The following PCDHGB4 variants were observed in gnomAD, a reference collection of about 807,000 sequenced individuals.
PCDHGB4 encodes protocadherin gamma subfamily B, 4.
Under a neutral mutation model 60.5 loss-of-function variants are expected in PCDHGB4, and 38 were observed. That is an observed-to-expected ratio of 0.63 (90% CI 0.48 to 0.82). The LOEUF (loss-of-function observed/expected upper bound fraction) is 0.82. Among genes scored for constraint, PCDHGB4 ranks in the 40% least tolerant of loss-of-function variants. PCDHGB4 has a pLI of 0.00. For synonymous variants in PCDHGB4, 456 were observed against 509.7 expected, an observed-to-expected ratio of 0.89 and a Z score of 1.42; for missense variants, 1,109 against 1,209.6, an observed-to-expected ratio of 0.92 and a Z score of 1.23.
In PCDHGB4 at chr5:141,487,605, A is replaced by G. The variant is rs202066746; in HGVS notation, c.2398-7202A>G. Reference sequence around the variant, plus strand: ...AGCTGCCCACCCTCTGATCTTCTCTATGGGCTAGAGGTGAGACCTTTGCAG... The same window carrying G: ...AGCTGCCCACCCTCTGATCTTCTCTGTGGGCTAGAGGTGAGACCTTTGCAG... On this transcript the variant is annotated intron_variant, in intron 1 of 3. Transcript: ENST00000519479. The surrounding 1 kb of genome is among the most constrained non-coding windows in gnomAD (Gnocchi z 5.0). 8.7e-6 allele frequency: 14 copies of G among 1,614,008 alleles called. No individual in the cohort carries two copies. In the South Asian group the frequency reaches 8.8e-5, roughly 10 times the overall value.
At chr5:141,414,048 G>A in intron 1 of PCDHGB4, 1 of 1,610,508 alleles carries the variant, frequency 6.2e-7, no homozygotes, top group Non-Finnish European at 8.5e-7. Flanking sequence ...TACCTGACAC[G>A]CAATTGTTGA....
chr5:141,449,497 G>A (rs903338878), intron 1 of PCDHGB4, among the ~76,000 whole-genome samples: 4 of 149,856 alleles, frequency 2.7e-5, no homozygotes, highest in African/African-American at 9.9e-5. Flanking sequence ...GGTGAGGCAT[G>A]AGAAATGCTT....
intron 1 of PCDHGB4, chr5:141,418,947 G>T (rs534744990): frequency 6.2e-7 from 1 of 1,614,022 alleles, no homozygotes; most frequent in African/African-American, 1.3e-5. Context: ...TCCCCTCCAG[G>T]AGTGGTTGTT....
intron 1 of PCDHGB4, chr5:141,422,846 A>T: frequency 2.5e-6 from 4 of 1,614,102 alleles, no homozygotes; most frequent in Non-Finnish European, 3.4e-6. Flanking sequence ...GACAGCGGGG[A>T]CCCGCCCCTC....
At chr5:141,433,935 T>G (rs2097665519) in intron 1 of PCDHGB4, among the ~76,000 whole-genome samples, 2 of 152,150 alleles carry the variant, frequency 1.3e-5, no homozygotes, top group African/African-American at 2.4e-5. Context: ...GATTTTATAA[T>G]TCCATTGTTT....
chr5:141,434,870 C>G (rs1263324193), intron 1 of PCDHGB4, among the ~76,000 whole-genome samples: 3 of 151,726 alleles, frequency 2.0e-5, no homozygotes, highest in Non-Finnish European at 1.5e-5. Flanking sequence ...ATATATGTGA[C>G]AGATACCAAC....
intron 1 of PCDHGB4, among the ~76,000 whole-genome samples, chr5:141,445,447 A>C (rs974383838): frequency 6.6e-6 from 1 of 152,222 alleles, no homozygotes; most frequent in Non-Finnish European, 1.5e-5. Flanking sequence ...TGGACTAAGG[A>C]TGCAGCAATG....
At chr5:141,510,402 G>A (rs2099880998) in intron 3 of PCDHGB4, among the ~76,000 whole-genome samples, 1 of 152,008 alleles carries the variant, frequency 6.6e-6, no homozygotes, top group African/African-American at 2.4e-5. Flanking sequence ...GCAAAGGCTA[G>A]GGGCATGTAA....
chr5:141,489,935 T>C lies in PCDHGB4; in HGVS notation c.2398-4872T>C. On this transcript the variant is annotated intron_variant, in intron 1 of 3. Coordinates refer to ENST00000519479, the MANE Select transcript of PCDHGB4 (RefSeq NM_003736.4). The surrounding 1 kb of genome is among the most constrained non-coding windows in gnomAD (Gnocchi z 4.5). ...GGGACCACCCTTATCTCTGTCATCG[T>C]GCTGGACATCAATGATAATGCTCCA... 1 of 1,614,216 alleles carries C rather than the reference T, an allele frequency of 6.2e-7. No individual in the cohort carries two copies.
intron 1 of PCDHGB4, chr5:141,393,436 A>G: frequency 1.2e-6 from 2 of 1,614,028 alleles, no homozygotes; most frequent in Middle Eastern, 1.6e-4. Flanking sequence ...GAGGCTGCTC[A>G]CCACCTGGTC....
In PCDHGB4 at chr5:141,476,034, C is replaced by G. The variant is rs934044974; in HGVS notation, c.2398-18773C>G. On this transcript the variant is annotated intron_variant, in intron 1 of 3. Transcript: ENST00000519479. This position sits in a 1 kb window ranked among gnomAD's most constrained non-coding sequence, Gnocchi z 7.6. ...CCATGTCGGACTCGGCGCCCAGCGC[C>G]CAAGCGCTAACCCGCTGAAAGTTTC... The G allele has an allele frequency of 2.0e-6, 3 of 1,464,488 alleles. No homozygotes were observed. Among genetic ancestry groups the G allele is most frequent in the Non-Finnish European group, 2.7e-6 (3 of 1,100,656 alleles). 90.7% of individuals were successfully genotyped at this position (1,464,488 alleles called of 1,614,324 possible). A position where few individuals can be genotyped will look rare whatever the true frequency, so the allele number is the denominator to read the frequency against.
At chr5:141,403,261 G>A in intron 1 of PCDHGB4, 1 of 1,613,852 alleles carries the variant, frequency 6.2e-7, no homozygotes, top group East Asian at 2.2e-5. Flanking sequence ...CGCGGTGTCT[G>A]GTGAACTTTA....
At chr5:141,508,017 G>C (rs2099865601) in intron 3 of PCDHGB4, 1 of 152,310 alleles carries the variant, frequency 6.6e-6, no homozygotes, top group Non-Finnish European at 1.5e-5. Context: ...TCTCAAGGAG[G>C]CTGCGGTTTG....
intron 1 of PCDHGB4, among the ~76,000 whole-genome samples, chr5:141,482,793 C>T (rs900216099): frequency 3.9e-5 from 5 of 128,974 alleles, no homozygotes; most frequent in Non-Finnish European, 8.1e-5. Flanking sequence ...TGTGTGTGGC[C>T]GGGTACGGTG....
intron 1 of PCDHGB4, among the ~76,000 whole-genome samples, chr5:141,457,444 G>T (rs1253183319): frequency 6.6e-6 from 1 of 152,134 alleles, no homozygotes; most frequent in African/African-American, 2.4e-5. Context: ...AGCTGCAGAA[G>T]ATCACCACTT....
intron 1 of PCDHGB4, among the ~76,000 whole-genome samples, chr5:141,429,826 C>T (rs1211415098): frequency 2.6e-5 from 4 of 152,054 alleles, no homozygotes; most frequent in Non-Finnish European, 4.4e-5. Context: ...GGTCAGTTAC[C>T]CAGGAAAAGG....
intron 1 of PCDHGB4, chr5:141,423,165 C>G: frequency 6.2e-7 from 1 of 1,613,434 alleles, no homozygotes; most frequent in Non-Finnish European, 8.5e-7. Context: ...TCGTGGTGGC[C>G]GTCCAGGACC....
At chr5:141,437,895 A>G (rs911855268) in intron 1 of PCDHGB4, among the ~76,000 whole-genome samples, 23 of 151,954 alleles carry the variant, frequency 1.5e-4, no homozygotes, top group African/African-American at 4.8e-4. Flanking sequence ...ACGCCACCAC[A>G]CCCAGCTAAT....
At chr5:141,393,961 T>C (rs775398827) in intron 1 of PCDHGB4, 1 of 1,613,960 alleles carries the variant, frequency 6.2e-7, no homozygotes, top group South Asian at 1.1e-5. Flanking sequence ...GGTCAAGTTG[T>C]CTGTTACACA....
Sources: gnomAD v4.1 joint callset for allele counts (sites outside exome capture counted in the v4.1 genomes callset) on GRCh38, gnomAD v4.1.1 for gene constraint, Gnocchi (gnomAD v3.1) non-coding constraint, MANE v1.5 for transcripts, NCBI Gene and HGNC (gene_info 2026-07-23, HGNC 2026-07-21) for gene names.